The following RBM25 variants were observed in gnomAD, a reference collection of about 807,000 sequenced individuals.
The protein encoded by RBM25 is RNA-binding protein 25.
RBM25 carries 19 observed loss-of-function variants against 120.7 expected under a neutral mutation model. The observed-to-expected ratio is 0.16, with a 90% confidence interval of 0.11 to 0.23. The LOEUF (loss-of-function observed/expected upper bound fraction) is 0.23. Among genes scored for constraint, RBM25 ranks in the 10% least tolerant of loss-of-function variants. The pLI, the probability that RBM25 is intolerant of heterozygous loss-of-function variation, is 1.00. For missense variants in RBM25, 605 were observed against 1,041.5 expected, an observed-to-expected ratio of 0.58 and a Z score of 5.77; for synonymous variants, 390 against 326.7, an observed-to-expected ratio of 1.19 and a Z score of -2.09.
intron 6 of RBM25, among the ~76,000 whole-genome samples, chr14:73,095,518 A>G (rs548360314): frequency 1.3e-5 from 2 of 151,906 alleles, no homozygotes; most frequent in African/African-American, 4.8e-5. Flanking sequence ...AGGCAGGAGA[A>G]TGGTGTGAAA....
intron 1 of RBM25, chr14:73,068,610 G>A (rs1270194651): frequency 3.5e-5 from 17 of 478,980 alleles, no homozygotes; most frequent in South Asian, 2.6e-4. Flanking sequence ...TGAGAAGTCT[G>A]GCTGGCATTA....
In RBM25 at chr14:73,064,455, C is replaced by T. The variant is rs1008015194; in HGVS notation, c.-16+5750C>T. ...TGTCACCCAGGTTGGAGTGCAGTGG[C>T]GCGGTCCCAGCTCACTGCAACCTCT... On this transcript the variant is annotated intron_variant, in intron 1 of 18. Coordinates refer to ENST00000261973, the MANE Select transcript of RBM25 (RefSeq NM_021239.3). Among the ~76,000 whole-genome samples, 5 of 151,220 alleles carry T rather than the reference C, an allele frequency of 3.3e-5. No homozygotes were observed. In the Admixed American group the frequency reaches 3.3e-4, roughly 10 times the overall value.
intron 18 of RBM25, 64 bp downstream of exon 18, chr14:73,114,397 C>A: frequency 1.6e-6 from 2 of 1,241,908 alleles, no homozygotes; most frequent in Non-Finnish European, 2.3e-6. Flanking sequence ...TTTTTTTTGT[C>A]TTAAAATATA....
At chr14:73,065,671 G>A (rs1405472860) in intron 1 of RBM25, among the ~76,000 whole-genome samples, 2 of 152,004 alleles carry the variant, frequency 1.3e-5, no homozygotes, top group Admixed American at 6.6e-5. Flanking sequence ...GCCTGCCTTG[G>A]CCTCCCAAAG....
At chr14:73,066,925 A>G (rs537205454) in intron 1 of RBM25, among the ~76,000 whole-genome samples, 1 of 152,272 alleles carries the variant, frequency 6.6e-6, no homozygotes, top group African/African-American at 2.4e-5. Flanking sequence ...TTACTTATGA[A>G]ATTGTGAGAA....
chr14:73,110,882 G>C lies in RBM25; in HGVS notation c.1744G>C (p.Glu582Gln). Residue 582 changes from glutamate (E) to glutamine (Q), a missense_variant, in exon 15 of 19, where the codon GAA becomes CAA. Physicochemically the swap from Glu to Gln is conservative, Grantham distance 29 (BLOSUM62 2). This residue lies in a region of RBM25 where 465 missense variants were observed against 741.6 expected (regional missense o/e 0.63). Coordinates refer to ENST00000261973, the MANE Select transcript of RBM25 (RefSeq NM_021239.3). ...GCAGCCACAAATAAAGCAAGAGCCA[G>C]AATCAGAAGAGGAGGAAGAAGAAAA... The part of the protein sequence containing the change: ...RRQPQIKQEP[E>Q]SEEEEEEKQE... 1 of 1,612,966 alleles carries C rather than the reference G, an allele frequency of 6.2e-7. No homozygotes were observed. The highest frequency in any genetic ancestry group is 8.5e-7 in the Non-Finnish European group (1 of 1,179,600).
chr14:73,105,547 A>G (rs1012570871), intron 10 of RBM25, among the ~76,000 whole-genome samples: 3 of 152,190 alleles, frequency 2.0e-5, no homozygotes, highest in African/African-American at 7.2e-5. Flanking sequence ...GGGATTGACT[A>G]TTATTTCAGT....
intron 1 of RBM25, among the ~76,000 whole-genome samples, chr14:73,069,408 T>G (rs566380831): frequency 6.6e-6 from 1 of 152,276 alleles, no homozygotes; most frequent in East Asian, 1.9e-4. Context: ...TTTTTATGTT[T>G]CTGTAAAACA....
chr14:73,076,915 A>G (rs1594903784), intron 3 of RBM25, among the ~76,000 whole-genome samples: 1 of 152,188 alleles, frequency 6.6e-6, no homozygotes, highest in East Asian at 1.9e-4. Context: ...CCCTGTGTCT[A>G]CTAAAAATAC....
chr14:73,089,700 T>C (rs1594915028), intron 6 of RBM25, among the ~76,000 whole-genome samples: 1 of 144,280 alleles, frequency 6.9e-6, no homozygotes, highest in Non-Finnish European at 1.5e-5. Context: ...GGAGTTTCCC[T>C]CTCTTGCCCA....
rs1174131568 is a variant in RBM25, at chr14:73,111,197, C to G, written c.2017+42C>G. 2.0e-6 allele frequency: 3 copies of G among 1,498,186 alleles called. No homozygotes were observed. The South Asian group carries it at 3.5e-5, about 18-fold the overall frequency. The allele number at this position is 1,498,186 out of a possible 1,614,324, so 92.8% of individuals were successfully genotyped here. A position where few individuals can be genotyped will look rare whatever the true frequency, so the allele number is the denominator to read the frequency against. On this transcript the variant is annotated intron_variant, in intron 15 of 18. Coordinates refer to ENST00000261973, the MANE Select transcript of RBM25 (RefSeq NM_021239.3). Reference sequence around the variant, plus strand: ...TTCCTTCTTTATTTTCTTCCCTTCACCCCTGCAAATACCTGTATTGTGCTT... The same window carrying G: ...TTCCTTCTTTATTTTCTTCCCTTCAGCCCTGCAAATACCTGTATTGTGCTT...
rs1566601022 is a variant in RBM25, at chr14:73,111,047, A to G, written c.1909A>G (p.Thr637Ala). ...SSASGNATPN[T>A]PGDESPCGII... is the part of the protein sequence containing the mutation. ...TGCCAGTGGCAATGCAACACCTAAC[A>G]CTCCTGGGGATGAGTCTCCCTGTGG... is the stretch of plus-strand genomic sequence containing the variant. Residue 637 changes from threonine to alanine, a missense_variant, in exon 15 of 19, where the codon ACT becomes GCT. Transcript: ENST00000261973. 1 of 1,613,786 alleles carries G rather than the reference A, an allele frequency of 6.2e-7. No homozygotes were observed. Among genetic ancestry groups the G allele is most frequent in the Admixed American group, 1.7e-5 (1 of 59,974 alleles).
Position 73,076,813 on chromosome 14 carries a change from A to G in RBM25, c.156+445A>G, listed in dbSNP as rs147070117. Among the ~76,000 whole-genome samples the G allele has an allele frequency of 3.9e-5, 6 of 152,362 alleles. No homozygotes were observed. The East Asian group carries it at 1.2e-3, about 29-fold the overall frequency. On this transcript the variant is annotated intron_variant, in intron 3 of 18. Coordinates refer to ENST00000261973, the MANE Select transcript of RBM25 (RefSeq NM_021239.3). ...GTTTCCTCCTACCTTCCTAAGGTAT[A>G]TGGCCTAAGGCATAAATTTTAAATG...
intron 2 of RBM25, 56 bp from the exon 3 acceptor site, chr14:73,076,263 A>G (rs1007678036): frequency 1.5e-6 from 2 of 1,364,714 alleles, no homozygotes; most frequent in Non-Finnish European, 2.1e-6. Context: ...ATTGTGTGGC[A>G]TGTTGTTGAT....
At chr14:73,068,966 C>T (rs1264888534) in intron 1 of RBM25, among the ~76,000 whole-genome samples, 2 of 152,086 alleles carry the variant, frequency 1.3e-5, no homozygotes, top group Non-Finnish European at 2.9e-5. Flanking sequence ...TGTAGTGGCA[C>T]GATCTCAGCT....
chr14:73,083,565 T>C lies in RBM25; in HGVS notation c.382+14T>C, dbSNP rs887815668. On this transcript the variant is annotated intron_variant, in intron 5 of 18. Transcript: ENST00000261973. ...GAAAGCTTCAAGGTATGTCATTTTTTTCCTTATTTGCTGAAATCACTTTAA... is the reference window on the plus strand; with the variant it reads ...GAAAGCTTCAAGGTATGTCATTTTTCTCCTTATTTGCTGAAATCACTTTAA... 1 of 1,563,018 alleles carries C rather than the reference T, an allele frequency of 6.4e-7. No homozygotes were observed. The highest frequency in any genetic ancestry group is 8.6e-7 in the Non-Finnish European group (1 of 1,162,344).
chr14:73,112,257 CTTCTA>C lies in RBM25; in HGVS notation c.2391+12_2391+16del, dbSNP rs752366986. 27 of 1,558,914 alleles carry C rather than the reference CTTCTA, an allele frequency of 1.7e-5. No individual in the cohort carries two copies. The highest frequency in any genetic ancestry group is 2.3e-5 in the East Asian group (1 of 42,844). On this transcript the variant is annotated splice_region_variant and intron_variant, in intron 17 of 18. Transcript: ENST00000261973. ...TGATTTTGTTTGTTCTAAGGTTAGT[CTTCTA>C]TTCTCTTCCATGCCAGCATTTATTT...
rs774018016 is a variant in RBM25, at chr14:73,103,485, C to G, written c.1154+7C>G. ...AGGATCGCAGTCGATCAAGGTAAGG[C>G]TTTACAGAAGTTACTGTTTCCTGAT... On this transcript the variant is annotated splice_region_variant and intron_variant, in intron 10 of 18. Coordinates refer to ENST00000261973, the MANE Select transcript of RBM25 (RefSeq NM_021239.3). The G allele has an allele frequency of 2.7e-5, 43 of 1,565,312 alleles. No homozygotes were observed. Among genetic ancestry groups the G allele is most frequent in the Non-Finnish European group, 3.5e-5 (41 of 1,158,326 alleles).
At chr14:73,070,851 G>C (rs1192014904) in intron 1 of RBM25, among the ~76,000 whole-genome samples, 1 of 150,722 alleles carries the variant, frequency 6.6e-6, no homozygotes, top group Non-Finnish European at 1.5e-5. Context: ...GGAAGCTGAG[G>C]CAGGAGAATT....
Sources: gnomAD v4.1 joint callset for allele counts (sites outside exome capture counted in the v4.1 genomes callset) on GRCh38, gnomAD v4.1.1 for gene constraint, gnomAD v4.1.1 regional missense constraint, MANE v1.5 for transcripts, NCBI Gene and HGNC (gene_info 2026-07-23, HGNC 2026-07-21) for gene names.